MYOCD: variants seen among roughly 807,000 people sequenced by gnomAD.
The protein encoded by MYOCD is myocardin.
MYOCD carries 32 observed loss-of-function variants against 96.1 expected under a neutral mutation model. That is an observed-to-expected ratio of 0.33 (90% CI 0.25 to 0.45). MYOCD has a LOEUF of 0.45. Ranked by LOEUF, MYOCD falls within the 20% of genes least tolerant of loss-of-function variation. The pLI, the probability that MYOCD is intolerant of heterozygous loss-of-function variation, is 1.00. For synonymous variants in MYOCD, 469 were observed against 469.0 expected, an observed-to-expected ratio of 1.00 and a Z score of 0.00; for missense variants, 1,133 against 1,200.6, an observed-to-expected ratio of 0.94 and a Z score of 0.83.
chr17:12,746,198 T>C, intron 9 of MYOCD, 126 bp downstream of exon 9: 2 of 1,013,986 alleles, frequency 2.0e-6, no homozygotes, highest in South Asian at 3.3e-5. Context: ...TAGGAAACAC[T>C]GAAGGAGGTG....
intron 1 of MYOCD, among the ~76,000 whole-genome samples, chr17:12,695,266 C>T (rs866485238): frequency 1.3e-5 from 2 of 152,100 alleles, no homozygotes; most frequent in Admixed American, 6.6e-5. Context: ...CATAGAAGTC[C>T]GCCTCTCACT....
chr17:12,691,065 C>A (rs2030422666), intron 1 of MYOCD, among the ~76,000 whole-genome samples: 1 of 152,168 alleles, frequency 6.6e-6, no homozygotes, highest in Admixed American at 6.5e-5. Context: ...TCGGTAATGA[C>A]CTTTCTTTGT....
chr17:12,763,946 C>G lies in MYOCD; in HGVS notation c.*302C>G. 4.2e-6 allele frequency: 1 copy of G among 238,674 alleles called. No individual in the cohort carries two copies. The highest frequency in any genetic ancestry group is 8.0e-6 in the Non-Finnish European group (1 of 125,406). The allele number at this position is 238,674 out of a possible 1,614,324, so 14.8% of individuals were successfully genotyped here. A position where few individuals can be genotyped will look rare whatever the true frequency, so the allele number is the denominator to read the frequency against. ...TCAAAGACCAGTATATTTTCTAGCC[C>G]ATAATTTTTCTCAGGCATTGTTGGG... On this transcript the variant is annotated 3_prime_UTR_variant, in exon 14 of 14. Coordinates refer to ENST00000425538, the MANE Select transcript of MYOCD (RefSeq NM_001146312.3).
At chr17:12,686,987 G>C (rs776657652) in intron 1 of MYOCD, among the ~76,000 whole-genome samples, 1 of 152,136 alleles carries the variant, frequency 6.6e-6, no homozygotes, top group Non-Finnish European at 1.5e-5. Context: ...GAATAAAATC[G>C]TTCATCTATT....
chr17:12,749,995 G>A lies in MYOCD; in HGVS notation c.1126-2419G>A, dbSNP rs373494802. ...CTCCCGAATAGCTGGGACTACAGGC[G>A]CCCGCCATCATGCCCAGCTAATTTT... On this transcript the variant is annotated intron_variant, in intron 9 of 13. Coordinates refer to ENST00000425538, the MANE Select transcript of MYOCD (RefSeq NM_001146312.3). 2.6e-5 allele frequency among the ~76,000 whole-genome samples: 4 copies of A among 151,960 alleles called. No homozygotes were observed. The East Asian group carries it at 5.9e-4, about 22-fold the overall frequency.
intron 8 of MYOCD, 111 bp from the exon 9 acceptor site, chr17:12,745,808 G>T: frequency 8.8e-7 from 1 of 1,138,732 alleles, no homozygotes; most frequent in Non-Finnish European, 1.3e-6. Context: ...TCTTCTGCTG[G>T]TTTATTACAT....
chr17:12,669,383 C>A (rs888118902), intron 1 of MYOCD, among the ~76,000 whole-genome samples: 6 of 152,166 alleles, frequency 3.9e-5, no homozygotes, highest in Admixed American at 3.9e-4. Flanking sequence ...TCTTAAACCG[C>A]GCAAACAGAG....
intron 1 of MYOCD, among the ~76,000 whole-genome samples, chr17:12,671,433 G>A (rs143926968): frequency 6.6e-6 from 1 of 152,114 alleles, no homozygotes; most frequent in Non-Finnish European, 1.5e-5. Flanking sequence ...GGAGGTAGGG[G>A]TGTAGCCGAA....
At chr17:12,667,495 C>T (rs2150622840) in intron 1 of MYOCD, among the ~76,000 whole-genome samples, 1 of 152,274 alleles carries the variant, frequency 6.6e-6, no homozygotes, top group Admixed American at 6.5e-5. Context: ...GATCTGTTAA[C>T]CAGCTAGAGA....
At chr17:12,690,918 G>A (rs979739810) in intron 1 of MYOCD, among the ~76,000 whole-genome samples, 3 of 152,282 alleles carry the variant, frequency 2.0e-5, no homozygotes, top group East Asian at 1.9e-4. Flanking sequence ...CTAGAATTAC[G>A]TGTGTATAAT....
At chr17:12,701,268 C>G (rs2031059706) in intron 1 of MYOCD, among the ~76,000 whole-genome samples, 1 of 152,040 alleles carries the variant, frequency 6.6e-6, no homozygotes, top group Non-Finnish European at 1.5e-5. Context: ...AAAAATTAGC[C>G]TGGCATGGTG....
intron 1 of MYOCD, among the ~76,000 whole-genome samples, chr17:12,669,310 A>T (rs1909554772): frequency 6.6e-6 from 1 of 152,132 alleles, no homozygotes; most frequent in Admixed American, 6.5e-5. Flanking sequence ...CCATGAATGG[A>T]TGTTGCTTCT....
At chr17:12,739,853 T>C (rs1015982111) in intron 7 of MYOCD, among the ~76,000 whole-genome samples, 4 of 152,218 alleles carry the variant, frequency 2.6e-5, no homozygotes, top group Non-Finnish European at 4.4e-5. Flanking sequence ...TTTTTGTTAA[T>C]TTTTATTTTT....
At chr17:12,693,373 G>A (rs546371089) in intron 1 of MYOCD, among the ~76,000 whole-genome samples, 4 of 151,974 alleles carry the variant, frequency 2.6e-5, no homozygotes, top group Non-Finnish European at 2.9e-5. Flanking sequence ...ACTTTGGGAG[G>A]CCGAGGTGGG....
intron 1 of MYOCD, among the ~76,000 whole-genome samples, chr17:12,692,303 A>T (rs1294214294): frequency 2.6e-5 from 4 of 152,330 alleles, no homozygotes; most frequent in African/African-American, 9.6e-5. Flanking sequence ...AGATTCTGCC[A>T]TCCAGAAAAT....
At chr17:12,760,628 T>G (rs776238086) in intron 12 of MYOCD, 22 bp from the exon 13 acceptor site, 2 of 1,606,126 alleles carry the variant, frequency 1.2e-6, no homozygotes, top group Non-Finnish European at 1.7e-6. Flanking sequence ...TTGTCTGTCC[T>G]CCTTTGGTTA....
intron 1 of MYOCD, among the ~76,000 whole-genome samples, chr17:12,679,509 G>A (rs1910320853): frequency 6.6e-6 from 1 of 152,072 alleles, no homozygotes; most frequent in Non-Finnish European, 1.5e-5. Flanking sequence ...AGTAGAGCCA[G>A]GATTATTTTC....
chr17:12,713,298 G>A (rs2031536481), intron 2 of MYOCD, among the ~76,000 whole-genome samples: 1 of 152,148 alleles, frequency 6.6e-6, no homozygotes, highest in South Asian at 2.1e-4. Flanking sequence ...GTTCTACGAA[G>A]CTGAGATACA....
At position 12,699,797 on chromosome 17, in the gene MYOCD, G is replaced by A. The variant is rs559408803; in HGVS notation, c.56-5331G>A. Among the ~76,000 whole-genome samples the A allele has an allele frequency of 1.0e-3, 151 of 151,614 alleles. No individual in the cohort carries two copies. The Middle Eastern group carries it at 0.014, about 14-fold the overall frequency. ...ATACCCAAGAAAATAATGCATATAC[G>A]CAGATATAGTTGCATACATCAAGTA... On this transcript the variant is annotated intron_variant, in intron 1 of 13. Transcript: ENST00000425538.
Sources: gnomAD v4.1 joint callset for allele counts (sites outside exome capture counted in the v4.1 genomes callset) on GRCh38, gnomAD v4.1.1 for gene constraint, MANE v1.5 for transcripts, NCBI Gene and HGNC (gene_info 2026-07-23, HGNC 2026-07-21) for gene names.